The following NAPEPLD variants were observed in gnomAD, a reference collection of about 807,000 sequenced individuals.
NAPEPLD encodes N-acyl phosphatidylethanolamine phospholipase D.
NAPEPLD carries 23 observed loss-of-function variants against 38.1 expected under a neutral mutation model. That is an observed-to-expected ratio of 0.60 (90% CI 0.43 to 0.86). NAPEPLD has a LOEUF of 0.86. Ranked by LOEUF, NAPEPLD falls within the 40% of genes least tolerant of loss-of-function variation. The pLI is 0.00. For missense variants in NAPEPLD, 411 were observed against 476.8 expected (o/e 0.86, Z 1.28); for synonymous variants, 147 against 162.0 (o/e 0.91, Z 0.71).
intron 1 of NAPEPLD, among the ~76,000 whole-genome samples, chr7:103,136,797 T>A (rs1264492480): frequency 1.3e-5 from 2 of 152,164 alleles, no homozygotes; most frequent in African/African-American, 4.8e-5. Context: ...TGTTACCTTT[T>A]AAAAAAATGT....
intron 2 of NAPEPLD, among the ~76,000 whole-genome samples, chr7:103,123,496 T>C (rs749526680): frequency 6.6e-6 from 1 of 152,244 alleles, no homozygotes; most frequent in Non-Finnish European, 1.5e-5. Flanking sequence ...TAAGTACTCG[T>C]ACTTGGCATC....
At chr7:103,125,884 T>C (rs2129529790) in intron 2 of NAPEPLD, among the ~76,000 whole-genome samples, 1 of 120,048 alleles carries the variant, frequency 8.3e-6, no homozygotes, top group African/African-American at 2.8e-5. Flanking sequence ...TGAGACTCTG[T>C]CTCAAAAATA....
At chr7:103,148,532 C>G (rs1229322631) in intron 1 of NAPEPLD, among the ~76,000 whole-genome samples, 1 of 151,094 alleles carries the variant, frequency 6.6e-6, no homozygotes, top group Non-Finnish European at 1.5e-5. Context: ...TCTGAAAAGC[C>G]CACAATAATA....
intron 3 of NAPEPLD, among the ~76,000 whole-genome samples, chr7:103,118,750 T>G (rs1389578537): frequency 6.6e-6 from 1 of 152,242 alleles, no homozygotes; most frequent in Non-Finnish European, 1.5e-5. Context: ...ACTTAATTCT[T>G]TGAAATCACT....
At chr7:103,141,796 C>G in intron 1 of NAPEPLD, 1 of 879,096 alleles carries the variant, frequency 1.1e-6, no homozygotes, top group Admixed American at 1.7e-5. Flanking sequence ...GGATGATCAG[C>G]CCATCTTTGA....
intron 2 of NAPEPLD, 22 bp downstream of exon 2, chr7:103,128,461 A>C (rs1193846139): frequency 5.0e-5 from 81 of 1,611,182 alleles, no homozygotes; most frequent in Non-Finnish European, 6.5e-5. Flanking sequence ...AATATAAAGC[A>C]CTCAAAAAAG....
chr7:103,103,423 C>T lies in NAPEPLD; in HGVS notation c.*6G>A, dbSNP rs769823975. 1.3e-6 allele frequency: 2 copies of T among 1,549,600 alleles called. No homozygotes were observed. The highest frequency in any genetic ancestry group is 1.7e-6 in the Non-Finnish European group (2 of 1,157,966). Reference sequence around the variant, plus strand: ...TTTTCATTAAAAGTGCCTGTGCTCACATTTATTAAAAGTTTTCATCATCAT... The same window carrying T: ...TTTTCATTAAAAGTGCCTGTGCTCATATTTATTAAAAGTTTTCATCATCAT... On this transcript the variant is annotated 3_prime_UTR_variant, in exon 5 of 5. Transcript: ENST00000465647.
At chr7:103,145,985 A>G (rs76230559) in intron 1 of NAPEPLD, among the ~76,000 whole-genome samples, 8,765 of 152,074 alleles carry the variant, frequency 0.058, 353 homozygotes, top group African/African-American at 0.11. Context: ...ACACACACAC[A>G]CACGCACGCA....
At chr7:103,140,576 G>C (rs1370527699) in intron 1 of NAPEPLD, among the ~76,000 whole-genome samples, 1 of 151,772 alleles carries the variant, frequency 6.6e-6, no homozygotes, top group Non-Finnish European at 1.5e-5. Context: ...TGTATTTTTA[G>C]TAGAGACGGG....
intron 2 of NAPEPLD, among the ~76,000 whole-genome samples, chr7:103,120,648 C>G (rs1806451813): frequency 7.0e-6 from 1 of 142,152 alleles, no homozygotes; most frequent in African/African-American, 2.5e-5. Context: ...AGCTTATGAC[C>G]ATTTATTTGT....
chr7:103,134,224 C>T (rs1205900486), intron 1 of NAPEPLD, among the ~76,000 whole-genome samples: 1 of 152,150 alleles, frequency 6.6e-6, no homozygotes, highest in Non-Finnish European at 1.5e-5. Context: ...ATTAATTGCT[C>T]ATCCTCTTTC....
intron 1 of NAPEPLD, among the ~76,000 whole-genome samples, chr7:103,137,136 A>G (rs1225225718): frequency 6.6e-6 from 1 of 152,136 alleles, no homozygotes; most frequent in Non-Finnish European, 1.5e-5. Flanking sequence ...GACAGGTTTC[A>G]CCATGTTGGC....
rs1315039625 is a variant in NAPEPLD, at chr7:103,119,878, C to T, written c.640G>A (p.Gly214Ser). ...GNELRWFVPL[G>S]LLDWMQKCGC... ...CATTTTTGCATCCAGTCAAGGAGACCCAAAGGCACAAACCATCTCAACTCA... is the reference window on the plus strand; with the variant it reads ...CATTTTTGCATCCAGTCAAGGAGACTCAAAGGCACAAACCATCTCAACTCA... Residue 214 changes from glycine to serine, a missense_variant, in exon 3 of 5, where the codon GGT becomes AGT. Gly to Ser is a moderately conservative substitution (Grantham distance 56). Coordinates refer to ENST00000465647, the MANE Select transcript of NAPEPLD (RefSeq NM_001122838.3). 1 of 1,614,114 alleles carries T rather than the reference C, an allele frequency of 6.2e-7. No homozygotes were observed. The highest frequency in any genetic ancestry group is 1.1e-5 in the South Asian group (1 of 91,082).
chr7:103,131,360 A>G (rs1585877225), intron 1 of NAPEPLD, among the ~76,000 whole-genome samples: 1 of 152,266 alleles, frequency 6.6e-6, no homozygotes, highest in East Asian at 1.9e-4. Flanking sequence ...TAGCTAGGAC[A>G]TAAAAAGCAA....
At chr7:103,140,696 T>G in intron 1 of NAPEPLD, among the ~76,000 whole-genome samples, 1 of 152,148 alleles carries the variant, frequency 6.6e-6, no homozygotes, top group South Asian at 2.1e-4. Flanking sequence ...CTACCCGACC[T>G]CATAGTTCCT....
chr7:103,118,070 TC>T (rs1805913663), intron 3 of NAPEPLD, among the ~76,000 whole-genome samples: 1 of 152,102 alleles, frequency 6.6e-6, no homozygotes, highest in Non-Finnish European at 1.5e-5. Flanking sequence ...GCGCCTGTAG[TC>T]CCAGCTACTT....
Position 103,102,077 on chromosome 7 carries a change from A to G in NAPEPLD, c.*1352T>C, listed in dbSNP as rs953141361. The G allele has an allele frequency of 1.3e-5, 2 of 150,930 alleles. No individual in the cohort carries two copies. Among genetic ancestry groups the G allele is most frequent in the Admixed American group, 6.6e-5 (1 of 15,086 alleles). 9.3% of individuals were successfully genotyped at this position (150,930 alleles called of 1,614,324 possible). ...TGCTTAAGGTTCATTTAATATAAAA[A>G]TGTAAGACATCTGAATCAGGTAAAA... is the stretch of plus-strand genomic sequence containing the variant. On this transcript the variant is annotated 3_prime_UTR_variant, in exon 5 of 5. Coordinates refer to ENST00000465647, the MANE Select transcript of NAPEPLD (RefSeq NM_001122838.3).
At position 103,128,757 on chromosome 7, in the gene NAPEPLD, T is replaced by A; in HGVS notation, c.20A>T (p.Asn7Ile). The A allele has an allele frequency of 6.2e-7, 1 of 1,611,970 alleles. No individual in the cohort carries two copies. Among genetic ancestry groups the A allele is most frequent in the Non-Finnish European group, 8.5e-7 (1 of 1,179,522 alleles). The change falls in exon 2 of 5, where the codon AAC becomes ATC. Residue 7 changes from asparagine (N) to isoleucine (I), a missense_variant. Transcript: ENST00000465647. MDENES[N>I]QSLMTSSQYP... The stretch of plus-strand genomic sequence containing the variant: ...TTGGCTGCTTGTCATCAGAGACTGG[T>A]TGCTTTCATTTTCATCCATGTCCTT...
chr7:103,134,427 A>G (rs1460283891), intron 1 of NAPEPLD, among the ~76,000 whole-genome samples: 1 of 152,228 alleles, frequency 6.6e-6, no homozygotes, highest in South Asian at 2.1e-4. Context: ...AGGCAGGTGG[A>G]TCACCTCAGG....
Sources: gnomAD v4.1 joint callset for allele counts (sites outside exome capture counted in the v4.1 genomes callset) on GRCh38, gnomAD v4.1.1 for gene constraint, MANE v1.5 for transcripts, NCBI Gene and HGNC (gene_info 2026-07-23, HGNC 2026-07-21) for gene names.